Variants in NUCKS1 observed in about 807,000 individuals in gnomAD.
The protein encoded by NUCKS1 is nuclear ubiquitous casein and cyclin-dependent kinase substrate 1.
In NUCKS1, 2 loss-of-function variants were observed where a neutral mutation model predicts 33.0. That is an observed-to-expected ratio of 0.06 (90% CI 0.02 to 0.19). The LOEUF (loss-of-function observed/expected upper bound fraction) is 0.19. Ranked by LOEUF, NUCKS1 falls within the 10% of genes least tolerant of loss-of-function variation. NUCKS1 has a pLI of 1.00. For synonymous variants in NUCKS1, 106 were observed against 102.8 expected, an observed-to-expected ratio of 1.03 and a Z score of -0.19; for missense variants, 201 against 293.6, an observed-to-expected ratio of 0.68 and a Z score of 2.31.
rs1272285988 is a variant in NUCKS1 at position 205,720,580 on chromosome 1, A to G, written c.303T>C (p.Ser101=). 2 of 1,614,052 alleles carry G rather than the reference A, an allele frequency of 1.2e-6. No individual in the cohort carries two copies. Among genetic ancestry groups the G allele is most frequent in the Non-Finnish European group, 1.7e-6 (2 of 1,180,034 alleles). Residue 101 remains serine (S), a synonymous_variant, in exon 5 of 7, where the codon TCT becomes TCC. Coordinates refer to ENST00000367142, the MANE Select transcript of NUCKS1 (RefSeq NM_022731.5). Reference sequence around the variant, plus strand: ...CTTCCATGAGCATCTCTCTCTGTTTAGAAGCTGCTTTAGATGCCGCCTGCC... The same window carrying G: ...CTTCCATGAGCATCTCTCTCTGTTTGGAAGCTGCTTTAGATGCCGCCTGCC... ...QQRQAASKAA[S]KQREMLMEDV... is the part of the protein sequence containing the mutation.
intron 1 of NUCKS1, among the ~76,000 whole-genome samples, chr1:205,738,492 G>A (rs1026826838): frequency 7.5e-5 from 11 of 146,386 alleles, no homozygotes; most frequent in Non-Finnish European, 1.3e-4. Flanking sequence ...TCCAACTCCT[G>A]GGCTCATGCA....
chr1:205,740,050 T>G (rs1164474272), intron 1 of NUCKS1, among the ~76,000 whole-genome samples: 1 of 128,314 alleles, frequency 7.8e-6, no homozygotes, highest in Non-Finnish European at 1.6e-5. Context: ...TTGTCCAGAC[T>G]GGAGTACAGT....
At chr1:205,745,324 C>G (rs1558057052) in intron 1 of NUCKS1, among the ~76,000 whole-genome samples, 1 of 151,942 alleles carries the variant, frequency 6.6e-6, no homozygotes. Flanking sequence ...CATGGTGAAA[C>G]CCTGTCTACA....
intron 2 of NUCKS1, among the ~76,000 whole-genome samples, chr1:205,729,148 T>C (rs1376642406): frequency 1.3e-5 from 2 of 152,174 alleles, no homozygotes; most frequent in African/African-American, 2.4e-5. Flanking sequence ...TTTGTATTTT[T>C]AGCAGAGATG....
chr1:205,724,390 A>G (rs934201886), intron 3 of NUCKS1, among the ~76,000 whole-genome samples: 2 of 152,208 alleles, frequency 1.3e-5, no homozygotes, highest in African/African-American at 4.8e-5. Flanking sequence ...TAAAATATCT[A>G]AAATTATTAA....
intron 1 of NUCKS1, among the ~76,000 whole-genome samples, chr1:205,733,516 A>G (rs1282798701): frequency 6.6e-6 from 1 of 152,180 alleles, no homozygotes; most frequent in Non-Finnish European, 1.5e-5. Flanking sequence ...TGTCAAGAAA[A>G]TCATGTAATT....
In NUCKS1 at chr1:205,713,138, T is replaced by C. The variant is rs1671772258; in HGVS notation, c.*5142A>G. 6.6e-6 allele frequency: 1 copy of C among 152,134 alleles called. No individual in the cohort carries two copies. Among genetic ancestry groups the C allele is most frequent in the East Asian group, 1.9e-4 (1 of 5,190 alleles). 9.4% of individuals were successfully genotyped at this position (152,134 alleles called of 1,614,324 possible). ...AACTGGGAGCTGATTAACAAAGCTG[T>C]GTAAGTTAGTGTGTTTGCTTTAAGG... is the stretch of plus-strand genomic sequence containing the variant. On this transcript the variant is annotated 3_prime_UTR_variant, in exon 7 of 7. Transcript: ENST00000367142.
intron 1 of NUCKS1, among the ~76,000 whole-genome samples, chr1:205,738,427 C>T (rs1654080407): frequency 6.7e-6 from 1 of 150,296 alleles, no homozygotes; most frequent in South Asian, 2.1e-4. Context: ...GTGGACACTA[C>T]CATGCCCAGC....
intron 1 of NUCKS1, among the ~76,000 whole-genome samples, chr1:205,748,218 C>T (rs1189809948): frequency 6.6e-6 from 1 of 152,028 alleles, no homozygotes; most frequent in Non-Finnish European, 1.5e-5. Context: ...TGTTCCAATA[C>T]CTAAATCTGG....
chr1:205,741,292 T>G (rs1654165298), intron 1 of NUCKS1, among the ~76,000 whole-genome samples: 1 of 70,806 alleles, frequency 1.4e-5, no homozygotes, highest in Non-Finnish European at 2.7e-5. Flanking sequence ...AGAGCGAGAC[T>G]GTCTCAAAAA....
In NUCKS1 at chr1:205,718,554, C is replaced by T. The variant is rs372787471; in HGVS notation, c.533-75G>A. The T allele has an allele frequency of 2.5e-5, 40 of 1,573,934 alleles. No individual in the cohort carries two copies. In the East Asian group the frequency reaches 7.2e-4, roughly 28 times the overall value. On this transcript the variant is annotated intron_variant, in intron 6 of 6. Transcript: ENST00000367142. ...AATAAAAGTCAGCTACAAAATACAA[C>T]AATCTGTAAGAATAAAATCTATAAA...
chr1:205,732,073 G>A (rs577635612), intron 1 of NUCKS1, among the ~76,000 whole-genome samples: 1 of 152,112 alleles, frequency 6.6e-6, no homozygotes, highest in East Asian at 1.9e-4. Context: ...GGATGGAGGT[G>A]AATTCTGGAA....
Position 205,719,442 on chromosome 1 carries a change from T to A in NUCKS1, c.532+85A>T, listed in dbSNP as rs1480949199. On this transcript the variant is annotated intron_variant, in intron 6 of 6. Transcript: ENST00000367142. ...TGCTAAACATCAGGCCAATGCCAAATCCTAATGAGGAATTTCTGTATTGAA... is the reference window on the plus strand; with the variant it reads ...TGCTAAACATCAGGCCAATGCCAAAACCTAATGAGGAATTTCTGTATTGAA... 4.2e-6 allele frequency: 6 copies of A among 1,412,756 alleles called. No homozygotes were observed. The African/African-American group carries it at 7.2e-5, about 17-fold the overall frequency. The allele number at this position is 1,412,756 out of a possible 1,614,324, so 87.5% of individuals were successfully genotyped here.
chr1:205,720,988 C>A (rs1047399589), intron 4 of NUCKS1, among the ~76,000 whole-genome samples: 4 of 152,082 alleles, frequency 2.6e-5, no homozygotes, highest in African/African-American at 7.2e-5. Context: ...AGGCCATTAT[C>A]CTCAGCAAAC....
chr1:205,735,599 G>A (rs1233193845), intron 1 of NUCKS1, among the ~76,000 whole-genome samples: 1 of 152,178 alleles, frequency 6.6e-6, no homozygotes, highest in African/African-American at 2.4e-5. Context: ...CTTACTAGTT[G>A]TATATCCTCA....
intron 1 of NUCKS1, among the ~76,000 whole-genome samples, chr1:205,748,967 T>C (rs560489103): frequency 1.3e-5 from 2 of 152,132 alleles, no homozygotes; most frequent in Admixed American, 6.5e-5. Context: ...TACAATAGCC[T>C]GGAGAATGGC....
In NUCKS1 at chr1:205,750,018, A is replaced by AGGGGGGGGGG; in HGVS notation, c.-46_-45insCCCCCCCCCC. On this transcript the variant is annotated 5_prime_UTR_variant, in exon 1 of 7. Coordinates refer to ENST00000367142, the MANE Select transcript of NUCKS1 (RefSeq NM_022731.5). ...CCGAGTCGAGAAGCCAAAGACCAGG[A>AGGGGGGGGGG]CCCCCCCCACCCCGCGCGCTCGGCG... 1.0e-6 allele frequency: 1 copy of AGGGGGGGGGG among 964,082 alleles called. No individual in the cohort carries two copies. The highest frequency in any genetic ancestry group is 1.5e-6 in the Non-Finnish European group (1 of 684,576). The allele number at this position is 964,082 out of a possible 1,614,324, so 59.7% of individuals were successfully genotyped here.
chr1:205,715,101 AAG>A lies in NUCKS1; in HGVS notation c.*3177_*3178del, dbSNP rs1343915564. On this transcript the variant is annotated 3_prime_UTR_variant, in exon 7 of 7. Coordinates refer to ENST00000367142, the MANE Select transcript of NUCKS1 (RefSeq NM_022731.5). ...CACAGATAAAAAAGCCATTAAAAAA[AAG>A]AGTCAAGTTTAGTCTAGCTGACCAT... 6.6e-6 allele frequency: 1 copy of A among 152,242 alleles called. No homozygotes were observed. Among genetic ancestry groups the A allele is most frequent in the African/African-American group, 2.4e-5 (1 of 41,466 alleles). 9.4% of individuals were successfully genotyped at this position (152,242 alleles called of 1,614,324 possible). A position where few individuals can be genotyped will look rare whatever the true frequency, so the allele number is the denominator to read the frequency against.
chr1:205,749,183 C>T (rs1654408946), intron 1 of NUCKS1, among the ~76,000 whole-genome samples: 1 of 152,248 alleles, frequency 6.6e-6, no homozygotes, highest in African/African-American at 2.4e-5. Flanking sequence ...CCCGCACCTC[C>T]CTGAGTACGG....
Sources: allele counts gnomAD v4.1 joint callset (sites outside exome capture counted in the v4.1 genomes callset), GRCh38; gene constraint gnomAD v4.1.1; transcripts MANE v1.5; gene names NCBI Gene and HGNC (gene_info 2026-07-23, HGNC 2026-07-21).